The following MEAK7 variants were observed in gnomAD, a reference collection of about 807,000 sequenced individuals.
MEAK7 encodes MTOR-associated protein MEAK7.
In MEAK7, 68 loss-of-function variants were observed where a neutral mutation model predicts 40.5. The observed-to-expected ratio is 1.68, with a 90% confidence interval of 1.38 to 2.06. The LOEUF (loss-of-function observed/expected upper bound fraction) is 2.06. MEAK7 is among the 30% of genes most tolerant of loss of function. The pLI is 0.00. For synonymous variants in MEAK7, 338 were observed against 231.9 expected, an observed-to-expected ratio of 1.46 and a Z score of -4.16; for missense variants, 918 against 580.5, an observed-to-expected ratio of 1.58 and a Z score of -5.98.
In MEAK7 at chr16:84,485,677, T is replaced by TAC. The variant is rs1567491276; in HGVS notation, c.958+953_958+954insGT. 3.6e-3 allele frequency among the ~76,000 whole-genome samples: 546 copies of TAC among 151,126 alleles called. 9 individuals are homozygous for TAC. The highest frequency in any genetic ancestry group is 0.011 in the African/African-American group (461 of 41,250). On this transcript the variant is annotated intron_variant, in intron 5 of 7. Transcript: ENST00000343629. ...ATCCATCCATCCATCTATCTACCTA[T>TAC]CTATCTATCTATCTATCTATCTAGA...
intron 5 of MEAK7, among the ~76,000 whole-genome samples, chr16:84,483,630 G>C (rs72806694): frequency 6.6e-6 from 1 of 152,188 alleles, no homozygotes; most frequent in Non-Finnish European, 1.5e-5. Context: ...CGATGGCCCC[G>C]AGCAAGCCAA....
At chr16:84,490,424 G>C (rs1020360087) in intron 3 of MEAK7, among the ~76,000 whole-genome samples, 1 of 145,920 alleles carries the variant, frequency 6.9e-6, no homozygotes, top group Non-Finnish European at 1.5e-5. Flanking sequence ...CTCGCTGGGC[G>C]GCTAAGTTTC....
intron 2 of MEAK7, 74 bp downstream of exon 2, chr16:84,497,860 G>T: frequency 6.3e-6 from 10 of 1,594,002 alleles, no homozygotes; most frequent in Non-Finnish European, 8.6e-6. Flanking sequence ...CACGAAAGCA[G>T]ATTCTGGCCT....
intron 6 of MEAK7, among the ~76,000 whole-genome samples, chr16:84,481,357 C>T (rs930022143): frequency 9.2e-5 from 14 of 152,204 alleles, no homozygotes; most frequent in African/African-American, 2.7e-4. Flanking sequence ...ACCAGAGACC[C>T]GAGCACACTG....
At position 84,486,955 on chromosome 16, in the gene MEAK7, C is replaced by A. The variant is rs770825025; in HGVS notation, c.634G>T (p.Val212Leu). The A allele has an allele frequency of 3.1e-6, 5 of 1,614,192 alleles. No homozygotes were observed. In the Admixed American group the frequency reaches 8.3e-5, roughly 27 times the overall value. ...ATGAGAAAGCCCTTGCAAATGACCACACTCAGGAATATGGCCACATGGGGG... is the reference window on the plus strand; with the variant it reads ...ATGAGAAAGCCCTTGCAAATGACCAAACTCAGGAATATGGCCACATGGGGG... ...RVPHVAIFLS[V>L]VICKGFLILC... Residue 212 changes from valine (V) to leucine (L), a missense_variant, in exon 5 of 8, where the codon GTG (valine) becomes TTG (leucine). Val to Leu is a conservative substitution (Grantham distance 32). Coordinates refer to ENST00000343629, the MANE Select transcript of MEAK7 (RefSeq NM_020947.4).
At chr16:84,492,214 A>G (rs920404828) in intron 3 of MEAK7, among the ~76,000 whole-genome samples, 3 of 152,182 alleles carry the variant, frequency 2.0e-5, no homozygotes, top group African/African-American at 4.8e-5. Context: ...TTAATATCAA[A>G]CATACACTGA....
chr16:84,504,048 G>T, intron 1 of MEAK7: 1 of 985,538 alleles, frequency 1.0e-6, no homozygotes, highest in Non-Finnish European at 1.2e-6. Context: ...TTGTGCGAAG[G>T]GGCAGCTTGA....
chr16:84,485,639 TATCCATCC>T (rs550866331), intron 5 of MEAK7, among the ~76,000 whole-genome samples: 5 of 149,384 alleles, frequency 3.3e-5, no homozygotes, highest in Admixed American at 6.7e-5. Context: ...ACTATCTATC[TATCCATCC>T]ATCCATCCAT....
rs1487624807 is a variant in MEAK7, at chr16:84,478,167, A to G, written c.*1746T>C. 1 of 151,530 alleles carries G rather than the reference A, an allele frequency of 6.6e-6. No individual in the cohort carries two copies. Among genetic ancestry groups the G allele is most frequent in the African/African-American group, 2.4e-5 (1 of 41,282 alleles). 9.4% of individuals were successfully genotyped at this position (151,530 alleles called of 1,614,324 possible). A position where few individuals can be genotyped will look rare whatever the true frequency, so the allele number is the denominator to read the frequency against. The stretch of plus-strand genomic sequence containing the variant: ...GACCTAAATTCTTTGGACTTACGGT[A>G]GAGATGCTTGAGGATCCTAATATTC... On this transcript the variant is annotated 3_prime_UTR_variant, in exon 8 of 8. Transcript: ENST00000343629.
At chr16:84,490,259 G>A (rs1470837535) in intron 3 of MEAK7, among the ~76,000 whole-genome samples, 1 of 149,360 alleles carries the variant, frequency 6.7e-6, no homozygotes, top group Non-Finnish European at 1.5e-5. Flanking sequence ...CTCTGAATTG[G>A]CTAAATTCCC....
chr16:84,504,212 G>C (rs1025159865), intron 1 of MEAK7: 83 of 957,458 alleles, frequency 8.7e-5, no homozygotes, highest in Middle Eastern at 5.3e-4. Context: ...ACACACTTCA[G>C]TGTCTACCCC....
intron 3 of MEAK7, among the ~76,000 whole-genome samples, chr16:84,489,862 A>C (rs1597945551): frequency 1.3e-5 from 2 of 152,138 alleles, no homozygotes; most frequent in African/African-American, 4.8e-5. Context: ...ATAATGATAG[A>C]GGGCAAGCAA....
At position 84,478,603 on chromosome 16, in the gene MEAK7, G is replaced by C; in HGVS notation, c.*1310C>G. ...CACCTTTAAGTGGGGAGATCTCATG[G>C]CCAACCGGTGACTCACCGTGTGTTG... On this transcript the variant is annotated 3_prime_UTR_variant, in exon 8 of 8. Coordinates refer to ENST00000343629, the MANE Select transcript of MEAK7 (RefSeq NM_020947.4). The C allele has an allele frequency of 6.6e-6, 1 of 152,206 alleles. No individual in the cohort carries two copies. The highest frequency in any genetic ancestry group is 1.9e-4 in the East Asian group (1 of 5,196). 9.4% of individuals were successfully genotyped at this position (152,206 alleles called of 1,614,324 possible).
rs62050760 is a variant in MEAK7 at position 84,494,513 on chromosome 16, C to T, written c.384+1170G>A. Among the ~76,000 whole-genome samples the T allele has an allele frequency of 3.7e-3, 562 of 152,256 alleles. 3 individuals carry two copies. Among genetic ancestry groups the T allele is most frequent in the Middle Eastern group, 6.8e-3 (2 of 294 alleles). ...CTTCTTAAAGCTCTGAGAACTAAAG[C>T]TAGACAACTTAAACTCTGGAGTAAC... On this transcript the variant is annotated intron_variant, in intron 3 of 7. Coordinates refer to ENST00000343629, the MANE Select transcript of MEAK7 (RefSeq NM_020947.4).
chr16:84,486,420 G>A (rs1913060602), intron 5 of MEAK7: 1 of 1,358,102 alleles, frequency 7.4e-7, no homozygotes. Context: ...GTCCTCGCCT[G>A]AAAACTGGGG....
intron 7 of MEAK7, 74 bp from the exon 8 acceptor site, chr16:84,480,100 C>A (rs1377455832): frequency 1.6e-6 from 2 of 1,258,706 alleles, no homozygotes; most frequent in Admixed American, 2.4e-5. Flanking sequence ...GCTAGTTTTC[C>A]AGCCTTCTTG....
At chr16:84,491,538 TAAA>T (rs57708607) in intron 3 of MEAK7, among the ~76,000 whole-genome samples, 111 of 122,892 alleles carry the variant, frequency 9.0e-4, no homozygotes, top group Non-Finnish European at 1.1e-3. Flanking sequence ...GACCCTGTCT[TAAA>T]AAAAAAAAAA....
At position 84,491,550 on chromosome 16, in the gene MEAK7, A is replaced by AAAAAC. The variant is rs1378981131; in HGVS notation, c.385-2129_385-2128insGTTTT. On this transcript the variant is annotated intron_variant, in intron 3 of 7. Coordinates refer to ENST00000343629, the MANE Select transcript of MEAK7 (RefSeq NM_020947.4). Reference sequence around the variant, plus strand: ...CGAGACCCTGTCTTAAAAAAAAAAAAAAAAACGTCTGGGCACGGTGACTCA... The same window carrying AAAAAC: ...CGAGACCCTGTCTTAAAAAAAAAAAAAAAACAAAAACGTCTGGGCACGGTGACTCA... Among the ~76,000 whole-genome samples the AAAAAC allele has an allele frequency of 2.6e-5, 4 of 151,038 alleles. No individual in the cohort carries two copies. The East Asian group carries it at 5.9e-4, about 22-fold the overall frequency.
intron 1 of MEAK7, chr16:84,504,232 T>G: frequency 2.3e-6 from 2 of 888,150 alleles, no homozygotes; most frequent in Non-Finnish European, 2.7e-6. Flanking sequence ...CAGACTCGCC[T>G]CCTCCGTGGA....
Sources: allele counts gnomAD v4.1 joint callset (sites outside exome capture counted in the v4.1 genomes callset), GRCh38; gene constraint gnomAD v4.1.1; transcripts MANE v1.5; gene names NCBI Gene and HGNC (gene_info 2026-07-23, HGNC 2026-07-21).